ABL2: variants seen among roughly 807,000 people sequenced by gnomAD.
ABL2 encodes the protein ABL proto-oncogene 2, non-receptor tyrosine kinase.
In ABL2, 49 loss-of-function variants were observed where a neutral mutation model predicts 107.7. The ratio of observed to expected loss-of-function variants is 0.45; its 90% confidence interval spans 0.36 to 0.58. ABL2 has a LOEUF of 0.58. ABL2 is among the 20% of genes least tolerant of loss of function. ABL2 has a pLI of 0.00. For missense variants in ABL2, 1,245 were observed against 1,457.0 expected, an observed-to-expected ratio of 0.85 and a Z score of 2.37; for synonymous variants, 549 against 548.6, an observed-to-expected ratio of 1.00 and a Z score of -0.01.
intron 1 of ABL2, among the ~76,000 whole-genome samples, chr1:179,151,068 G>T (rs1297495113): frequency 2.6e-5 from 4 of 152,058 alleles, no homozygotes; most frequent in African/African-American, 9.7e-5. Flanking sequence ...CCACAGTATA[G>T]CATGAACACG....
At chr1:179,200,037 G>GC (rs200838677) in intron 1 of ABL2, among the ~76,000 whole-genome samples, 1 of 89,398 alleles carries the variant, frequency 1.1e-5, no homozygotes, top group Non-Finnish European at 2.1e-5. Context: ...GGCCCCCAAT[G>GC]CCTTTTTTTT....
rs920648994 is a variant in ABL2 at position 179,106,266 on chromosome 1, T to C, written c.*1452A>G. On this transcript the variant is annotated 3_prime_UTR_variant, in exon 12 of 12. Transcript: ENST00000502732. ...CATTAGATTCACTTCCATGCCATCCTAATTAGCTTCCACAATTATAACTAA... is the reference window on the plus strand; with the variant it reads ...CATTAGATTCACTTCCATGCCATCCCAATTAGCTTCCACAATTATAACTAA... 3 of 227,962 alleles carry C rather than the reference T, an allele frequency of 1.3e-5. No homozygotes were observed. Among genetic ancestry groups the C allele is most frequent in the African/African-American group, 6.7e-5 (3 of 45,012 alleles). 14.1% of individuals were successfully genotyped at this position (227,962 alleles called of 1,614,324 possible).
At chr1:179,120,863 A>T (rs1483371695) in intron 5 of ABL2, among the ~76,000 whole-genome samples, 1 of 152,168 alleles carries the variant, frequency 6.6e-6, no homozygotes, top group African/African-American at 2.4e-5. Context: ...GTTCTCTCAT[A>T]GTTTACTTCT....
At chr1:179,218,010 C>T (rs938028754) in intron 1 of ABL2, among the ~76,000 whole-genome samples, 5 of 152,028 alleles carry the variant, frequency 3.3e-5, no homozygotes, top group Admixed American at 1.3e-4. Context: ...ATTTGAGCAA[C>T]GAGGGTTTTA....
intron 11 of ABL2, among the ~76,000 whole-genome samples, chr1:179,109,927 CA>C (rs11285150): frequency 0.7 from 91,185 of 131,064 alleles, 30,213 homozygotes; most frequent in African/African-American, 0.82. Flanking sequence ...GACTCCGTCT[CA>C]AAAAAAAAAA....
chr1:179,108,604 G>C lies in ABL2; in HGVS notation c.2663C>G (p.Pro888Arg). 2 of 1,614,042 alleles carry C rather than the reference G, an allele frequency of 1.2e-6. No individual in the cohort carries two copies. The highest frequency in any genetic ancestry group is 1.7e-6 in the Non-Finnish European group (2 of 1,179,990). ...GVGVAGVAAAPKGKEKNGGAR... is the reference protein window; with the variant it reads ...GVGVAGVAAARKGKEKNGGAR... ...CCCACCATTCTTCTCTTTACCCTTGGGGGCAGCTGCCACTCCAGCCACTCC... is the reference window on the plus strand; with the variant it reads ...CCCACCATTCTTCTCTTTACCCTTGCGGGCAGCTGCCACTCCAGCCACTCC... The change falls in exon 12 of 12, where the codon CCC (proline) becomes CGC (arginine). Residue 888 changes from proline to arginine, a missense_variant. Physicochemically the swap from Pro to Arg is moderately radical, Grantham distance 103. Coordinates refer to ENST00000502732, the MANE Select transcript of ABL2 (RefSeq NM_007314.4).
At chr1:179,207,800 A>G (rs1411235135) in intron 1 of ABL2, among the ~76,000 whole-genome samples, 4 of 152,200 alleles carry the variant, frequency 2.6e-5, no homozygotes, top group African/African-American at 4.8e-5. Context: ...CTAAACCCAC[A>G]CAGACTGACA....
chr1:179,176,045 G>A (rs1398942553), intron 1 of ABL2, among the ~76,000 whole-genome samples: 4 of 151,920 alleles, frequency 2.6e-5, no homozygotes, highest in South Asian at 2.1e-4. Flanking sequence ...TAGTAGACAC[G>A]GGTTTTCACC....
At chr1:179,188,616 T>G (rs2102815395) in intron 1 of ABL2, among the ~76,000 whole-genome samples, 1 of 152,294 alleles carries the variant, frequency 6.6e-6, no homozygotes, top group African/African-American at 2.4e-5. Context: ...TCTTCCTTCC[T>G]ACCACTAATC....
chr1:179,187,855 T>C (rs188648858), intron 1 of ABL2, among the ~76,000 whole-genome samples: 4 of 152,308 alleles, frequency 2.6e-5, no homozygotes, highest in East Asian at 1.9e-4. Flanking sequence ...CAAGAGTTTA[T>C]TGTCCACAAA....
intron 1 of ABL2, among the ~76,000 whole-genome samples, chr1:179,191,822 C>A (rs10913704): frequency 0.092 from 13,960 of 152,092 alleles, 662 homozygotes; most frequent in African/African-American, 0.11. Context: ...AAAACAATTA[C>A]TAAGAAACAG....
intron 1 of ABL2, chr1:179,184,285 T>C (rs1238949458): frequency 1.8e-6 from 1 of 543,880 alleles, no homozygotes; most frequent in South Asian, 2.1e-5. Flanking sequence ...AAAAATAAAG[T>C]TATCTTCAAC....
chr1:179,181,245 C>G (rs2102798140), intron 1 of ABL2, among the ~76,000 whole-genome samples: 1 of 152,220 alleles, frequency 6.6e-6, no homozygotes, highest in East Asian at 1.9e-4. Context: ...GGCAGTAAAC[C>G]CCTCCAACAT....
intron 1 of ABL2, among the ~76,000 whole-genome samples, chr1:179,200,338 C>T (rs1661594277): frequency 6.6e-6 from 1 of 152,182 alleles, no homozygotes; most frequent in African/African-American, 2.4e-5. Context: ...TGGGCCACCG[C>T]GCCTGGCCCA....
chr1:179,104,360 TAGTTA>T lies in ABL2; in HGVS notation c.*3353_*3357del. 4.5e-6 allele frequency: 1 copy of T among 224,448 alleles called. No individual in the cohort carries two copies. Among genetic ancestry groups the T allele is most frequent in the African/African-American group, 2.2e-5 (1 of 45,018 alleles). The allele number at this position is 224,448 out of a possible 1,614,324, so 13.9% of individuals were successfully genotyped here. Reference sequence around the variant, plus strand: ...TTTAAACTCAAAATCTCCATGACTTTAGTTAAATAAAAATGGGCAGTGCCTTAGCA... The same window carrying T: ...TTTAAACTCAAAATCTCCATGACTTTAATAAAAATGGGCAGTGCCTTAGCA... On this transcript the variant is annotated 3_prime_UTR_variant, in exon 12 of 12. Coordinates refer to ENST00000502732, the MANE Select transcript of ABL2 (RefSeq NM_007314.4).
chr1:179,129,672 A>C (rs2102657253), intron 3 of ABL2, among the ~76,000 whole-genome samples: 1 of 146,280 alleles, frequency 6.8e-6, no homozygotes, highest in African/African-American at 2.5e-5. Flanking sequence ...ACAGAGCGAG[A>C]CTCTGTCTCA....
At chr1:179,168,958 T>C (rs1659550842) in intron 1 of ABL2, among the ~76,000 whole-genome samples, 1 of 152,198 alleles carries the variant, frequency 6.6e-6, no homozygotes, top group Non-Finnish European at 1.5e-5. Flanking sequence ...AAGACTTGCA[T>C]TTCTCCACAA....
rs1225729931 is a variant in ABL2 at position 179,103,241 on chromosome 1, C to G, written c.*4477G>C. 1.4e-5 allele frequency: 3 copies of G among 208,752 alleles called. No homozygotes were observed. The highest frequency in any genetic ancestry group is 1.2e-4 in the Admixed American group (2 of 16,900). The allele number at this position is 208,752 out of a possible 1,614,324, so 12.9% of individuals were successfully genotyped here. A position where few individuals can be genotyped will look rare whatever the true frequency, so the allele number is the denominator to read the frequency against. On this transcript the variant is annotated 3_prime_UTR_variant, in exon 12 of 12. Transcript: ENST00000502732. ...ACAACTTTAGCAAACACTTGCTATA[C>G]CTGCTCATACCTGTTAAGCAGTTTC...
At chr1:179,138,767 G>A (rs1181065310) in intron 1 of ABL2, among the ~76,000 whole-genome samples, 2 of 152,234 alleles carry the variant, frequency 1.3e-5, no homozygotes, top group Admixed American at 6.5e-5. Flanking sequence ...GCGCACCGCT[G>A]CACTGTGGGA....
Sources: allele counts gnomAD v4.1 joint callset (sites outside exome capture counted in the v4.1 genomes callset), GRCh38; gene constraint gnomAD v4.1.1; transcripts MANE v1.5; gene names NCBI Gene and HGNC (gene_info 2026-07-23, HGNC 2026-07-21).